Variants in TSC22D1 observed in about 807,000 individuals in gnomAD.
TSC22D1 encodes the protein TSC22 domain family member 1, also known as TSC22 domain family protein 1.
A neutral mutation model predicts 74.2 loss-of-function variants in TSC22D1; 9 were observed. The ratio of observed to expected loss-of-function variants is 0.12; its 90% CI spans 0.07 to 0.21. The LOEUF is 0.21. Among genes scored for constraint, TSC22D1 ranks in the 10% least tolerant of loss-of-function variants. The probability of loss-of-function intolerance (pLI) is 1.00; values close to 1 mark genes in which losing one functional copy is unlikely to be tolerated. For missense variants in TSC22D1, 1,427 were observed against 1,304.7 expected (o/e 1.09, Z -1.44); for synonymous variants, 586 against 492.5 (o/e 1.19, Z -2.51).
chr13:44,448,082 T>C (rs1330142749), intron 1 of TSC22D1, among the ~76,000 whole-genome samples: 1 of 152,098 alleles, frequency 6.6e-6, no homozygotes, highest in Non-Finnish European at 1.5e-5. Flanking sequence ...AAAAAAGGAA[T>C]CACAGATTTA....
At chr13:44,470,074 C>CCT (rs1877514637) in intron 1 of TSC22D1, among the ~76,000 whole-genome samples, 1 of 152,198 alleles carries the variant, frequency 6.6e-6, no homozygotes, top group Admixed American at 6.5e-5. Context: ...CATGCCCTCT[C>CCT]CTCTCCCCTT....
chr13:44,574,117 G>A lies in TSC22D1; in HGVS notation c.1958C>T (p.Ala653Val). 2 of 1,614,240 alleles carry A rather than the reference G, an allele frequency of 1.2e-6. No individual in the cohort carries two copies. Among genetic ancestry groups the A allele is most frequent in the Non-Finnish European group, 1.7e-6 (2 of 1,180,022 alleles). Reference sequence around the variant, plus strand: ...TGGCTGCTGTTGTACATACTCTGAAGCAGGATTTTGAGTCACTGATTTGAC... The same window carrying A: ...TGGCTGCTGTTGTACATACTCTGAAACAGGATTTTGAGTCACTGATTTGAC... ...GHVKSVTQNP[A>V]SEYVQQQPIL... Residue 653 changes from alanine (A) to valine (V), a missense_variant, in exon 1 of 3, where the codon GCT becomes GTT. Ala to Val is a moderately conservative substitution (Grantham distance 64). Coordinates refer to ENST00000458659, the MANE Select transcript of TSC22D1 (RefSeq NM_183422.4).
chr13:44,485,161 C>T (rs749818157), intron 1 of TSC22D1, among the ~76,000 whole-genome samples: 1 of 151,942 alleles, frequency 6.6e-6, no homozygotes, highest in African/African-American at 2.4e-5. Context: ...CCAATCAAGA[C>T]AATAGTTAGA....
At chr13:44,444,563 A>G (rs567126637) in intron 1 of TSC22D1, among the ~76,000 whole-genome samples, 2 of 152,144 alleles carry the variant, frequency 1.3e-5, no homozygotes, top group East Asian at 3.9e-4. Context: ...TGCAAAGAAT[A>G]TTATAAAGAA....
intron 1 of TSC22D1, among the ~76,000 whole-genome samples, chr13:44,524,184 T>C (rs1880444872): frequency 6.6e-6 from 1 of 151,748 alleles, no homozygotes; most frequent in Non-Finnish European, 1.5e-5. Context: ...GGACTCAAAC[T>C]AAATTGAAGG....
At chr13:44,537,538 T>A in intron 1 of TSC22D1, 1 of 985,146 alleles carries the variant, frequency 1.0e-6, no homozygotes, top group South Asian at 4.7e-5. Flanking sequence ...TCAACTAACT[T>A]AATTTCCAAG....
chr13:44,574,151 G>C lies in TSC22D1; in HGVS notation c.1924C>G (p.Pro642Ala). The part of the protein sequence containing the change: ...QQPMVSTQMA[P>A]GHVKSVTQNP... Reference sequence around the variant, plus strand: ...TGAGTCACTGATTTGACATGGCCTGGGGCCATCTGTGTAGAAACCATTGGT... The same window carrying C: ...TGAGTCACTGATTTGACATGGCCTGCGGCCATCTGTGTAGAAACCATTGGT... Residue 642 changes from proline (P) to alanine (A), a missense_variant, in exon 1 of 3, where the codon CCA becomes GCA. Coordinates refer to ENST00000458659, the MANE Select transcript of TSC22D1 (RefSeq NM_183422.4). 6.2e-7 allele frequency: 1 copy of C among 1,614,202 alleles called. No individual in the cohort carries two copies. The highest frequency in any genetic ancestry group is 8.5e-7 in the Non-Finnish European group (1 of 1,180,018).
chr13:44,545,983 A>T (rs1303501876), intron 1 of TSC22D1, among the ~76,000 whole-genome samples: 5 of 151,818 alleles, frequency 3.3e-5, no homozygotes, highest in African/African-American at 1.2e-4. Flanking sequence ...TCTCAAAAAA[A>T]AAAATAAATA....
intron 1 of TSC22D1, among the ~76,000 whole-genome samples, chr13:44,570,178 G>C (rs1419619655): frequency 1.3e-5 from 2 of 150,032 alleles, no homozygotes; most frequent in African/African-American, 2.5e-5. Context: ...TACAGTCTAA[G>C]ACATTAAGAC....
At chr13:44,508,194 A>G (rs1879524873) in intron 1 of TSC22D1, among the ~76,000 whole-genome samples, 1 of 152,238 alleles carries the variant, frequency 6.6e-6, no homozygotes, top group South Asian at 2.1e-4. Context: ...TAAAATAGCA[A>G]TATTAGTATC....
intron 1 of TSC22D1, among the ~76,000 whole-genome samples, chr13:44,444,226 T>TC (rs1465643859): frequency 1.7e-5 from 2 of 115,804 alleles, no homozygotes; most frequent in East Asian, 5.8e-4. Flanking sequence ...CTGCAGTGAC[T>TC]CAAGATTGCA....
intron 1 of TSC22D1, among the ~76,000 whole-genome samples, chr13:44,495,622 C>T (rs1165942035): frequency 1.3e-5 from 2 of 151,850 alleles, no homozygotes; most frequent in Admixed American, 1.3e-4. Context: ...AGTGACACCA[C>T]GTAAAAGAAG....
intron 1 of TSC22D1, 165 bp from the exon 2 acceptor site, chr13:44,436,260 TAACG>T (rs980650858): frequency 2.2e-6 from 2 of 907,734 alleles, no homozygotes; most frequent in African/African-American, 3.4e-5. Flanking sequence ...CCTCTCTTAC[TAACG>T]AATATCCAGG....
chr13:44,572,654 A>G (rs1375009621), intron 1 of TSC22D1, among the ~76,000 whole-genome samples: 3 of 152,216 alleles, frequency 2.0e-5, no homozygotes, highest in Non-Finnish European at 2.9e-5. Context: ...CAACCTATAT[A>G]ACCCAGATTA....
chr13:44,494,771 C>T (rs957439142), intron 1 of TSC22D1, among the ~76,000 whole-genome samples: 3 of 152,138 alleles, frequency 2.0e-5, no homozygotes, highest in South Asian at 4.1e-4. Context: ...AGAAACTGTT[C>T]CTGACATTGG....
chr13:44,517,780 C>CAT (rs1205399224), intron 1 of TSC22D1, among the ~76,000 whole-genome samples: 5 of 110,576 alleles, frequency 4.5e-5, no homozygotes, highest in East Asian at 5.1e-4. Context: ...TATATATACA[C>CAT]ATATATATAC....
intron 1 of TSC22D1, among the ~76,000 whole-genome samples, chr13:44,439,292 G>A (rs1874998830): frequency 6.6e-6 from 1 of 152,144 alleles, no homozygotes; most frequent in Non-Finnish European, 1.5e-5. Context: ...TTGAGCCAAA[G>A]GATAGGCAAC....
chr13:44,522,086 C>T (rs920279842), intron 1 of TSC22D1, among the ~76,000 whole-genome samples: 3 of 152,064 alleles, frequency 2.0e-5, no homozygotes, highest in Non-Finnish European at 4.4e-5. Context: ...GAGTAAAAGT[C>T]AAGGAAGAGA....
intron 1 of TSC22D1, among the ~76,000 whole-genome samples, chr13:44,528,884 G>T (rs1163524973): frequency 5.9e-5 from 9 of 152,046 alleles, no homozygotes; most frequent in Non-Finnish European, 1.3e-4. Flanking sequence ...TAAGTTAGAT[G>T]AAATGGGCAA....
Sources: allele counts gnomAD v4.1 joint callset (sites outside exome capture counted in the v4.1 genomes callset), GRCh38; gene constraint gnomAD v4.1.1; transcripts MANE v1.5; gene names NCBI Gene and HGNC (gene_info 2026-07-23, HGNC 2026-07-21).